The following SNX14 variants were observed in gnomAD, a reference collection of about 807,000 sequenced individuals.
SNX14 encodes sorting nexin-14.
SNX14 carries 93 observed loss-of-function variants against 133.8 expected under a neutral mutation model. The observed-to-expected ratio is 0.70, with a 90% CI of 0.59 to 0.83. SNX14 has a LOEUF of 0.83. Among genes scored for constraint, SNX14 ranks in the 40% least tolerant of loss-of-function variants. The pLI is 0.00. For missense variants in SNX14, 945 were observed against 1,094.9 expected, an observed-to-expected ratio of 0.86 and a Z score of 1.93; for synonymous variants, 368 against 365.6, an observed-to-expected ratio of 1.01 and a Z score of -0.07.
At chr6:85,515,049 GAGCTCGC>G (rs1430048444) in intron 23 of SNX14, among the ~76,000 whole-genome samples, 16 of 152,038 alleles carry the variant, frequency 1.1e-4, no homozygotes, top group Non-Finnish European at 8.8e-5. Flanking sequence ...CAGATCACCT[GAGCTCGC>G]AAGTTTGAAA....
intron 18 of SNX14, among the ~76,000 whole-genome samples, chr6:85,532,934 T>A (rs1780726383): frequency 6.6e-6 from 1 of 152,194 alleles, no homozygotes; most frequent in Non-Finnish European, 1.5e-5. Context: ...TCTCCCAGGC[T>A]GGAGTGCAGT....
At chr6:85,570,090 T>C (rs1446085903) in intron 4 of SNX14, among the ~76,000 whole-genome samples, 2 of 152,222 alleles carry the variant, frequency 1.3e-5, no homozygotes, top group Non-Finnish European at 2.9e-5. Context: ...TTAATTTTTT[T>C]CCATTATTGC....
chr6:85,529,705 C>G (rs961925033), intron 19 of SNX14, among the ~76,000 whole-genome samples: 1 of 152,126 alleles, frequency 6.6e-6, no homozygotes, highest in Non-Finnish European at 1.5e-5. Flanking sequence ...GGGACAGGAA[C>G]GTTCCTTACC....
chr6:85,590,137 GAAA>G (rs1802344327), intron 1 of SNX14, among the ~76,000 whole-genome samples: 2 of 152,178 alleles, frequency 1.3e-5, no homozygotes, highest in African/African-American at 2.4e-5. Context: ...AATTAATCCA[GAAA>G]GAATGATTCT....
At chr6:85,575,179 T>C (rs954170951) in intron 1 of SNX14, among the ~76,000 whole-genome samples, 6 of 152,184 alleles carry the variant, frequency 3.9e-5, no homozygotes, top group Non-Finnish European at 7.3e-5. Context: ...TGTGATATAA[T>C]GGGCAATGTG....
chr6:85,530,043 C>T (rs1779731116), intron 19 of SNX14, 149 bp downstream of exon 19: 2 of 503,756 alleles, frequency 4.0e-6, no homozygotes, highest in Admixed American at 4.2e-5. Flanking sequence ...ATAAACAGTA[C>T]ATTTCCGTTA....
chr6:85,561,637 A>T (rs1179004715), intron 6 of SNX14, among the ~76,000 whole-genome samples: 1 of 152,162 alleles, frequency 6.6e-6, no homozygotes, highest in Non-Finnish European at 1.5e-5. Flanking sequence ...GAAAAAGACA[A>T]ATATAAAGAA....
chr6:85,525,690 T>A (rs948148844), intron 21 of SNX14, among the ~76,000 whole-genome samples: 17 of 152,126 alleles, frequency 1.1e-4, no homozygotes, highest in Admixed American at 9.2e-4. Context: ...AGGAAGAGCA[T>A]GATATAACTT....
intron 4 of SNX14, among the ~76,000 whole-genome samples, chr6:85,571,553 G>T (rs1002441322): frequency 1.3e-5 from 2 of 152,146 alleles, no homozygotes; most frequent in South Asian, 4.1e-4. Flanking sequence ...GATACTTGGT[G>T]CTAGGAACAA....
chr6:85,516,795 G>A (rs777588646), intron 23 of SNX14, among the ~76,000 whole-genome samples: 3 of 151,880 alleles, frequency 2.0e-5, no homozygotes, highest in Admixed American at 6.6e-5. Flanking sequence ...CCACCACCAC[G>A]CTTGACTAAT....
intron 7 of SNX14, among the ~76,000 whole-genome samples, chr6:85,553,157 G>A (rs750086270): frequency 6.6e-6 from 1 of 152,182 alleles, no homozygotes; most frequent in Non-Finnish European, 1.5e-5. Flanking sequence ...GAAAATCCCA[G>A]TGTCAGTGCT....
intron 28 of SNX14, 87 bp downstream of exon 28, chr6:85,507,146 G>C: frequency 8.4e-7 from 1 of 1,186,150 alleles, no homozygotes; most frequent in Non-Finnish European, 1.2e-6. Context: ...CAGAGACAAG[G>C]GTTTTCTTAC....
chr6:85,568,204 G>C (rs1794502384), intron 4 of SNX14: 1 of 152,126 alleles, frequency 6.6e-6, no homozygotes, highest in African/African-American at 2.4e-5. Context: ...TCCTGACTCT[G>C]AAGCTTAACT....
intron 26 of SNX14, among the ~76,000 whole-genome samples, chr6:85,512,960 G>A (rs2127790026): frequency 6.6e-6 from 1 of 152,266 alleles, no homozygotes; most frequent in Middle Eastern, 3.4e-3. Context: ...CCAGAAACTG[G>A]AAGTCACCCT....
intron 26 of SNX14, chr6:85,508,270 G>T: frequency 8.8e-7 from 1 of 1,133,632 alleles, no homozygotes; most frequent in African/African-American, 1.6e-5. Context: ...TCCCATTTTT[G>T]GAGATTCACA....
At chr6:85,568,346 G>A (rs560678722) in intron 4 of SNX14, 19 of 152,182 alleles carry the variant, frequency 1.2e-4, no homozygotes, top group Non-Finnish European at 2.1e-4. Flanking sequence ...GTCAAAATTA[G>A]GTGTTAGTGG....
chr6:85,554,310 A>G (rs1788909665), intron 7 of SNX14, among the ~76,000 whole-genome samples: 1 of 151,680 alleles, frequency 6.6e-6, no homozygotes, highest in Non-Finnish European at 1.5e-5. Flanking sequence ...ACACATGTGT[A>G]TATATATACA....
At chr6:85,569,197 G>T (rs1326449300) in intron 4 of SNX14, among the ~76,000 whole-genome samples, 1 of 152,046 alleles carries the variant, frequency 6.6e-6, no homozygotes, top group African/African-American at 2.4e-5. Context: ...CCCGACCTTA[G>T]GTGATCCGCC....
intron 1 of SNX14, among the ~76,000 whole-genome samples, chr6:85,587,056 A>AAG (rs536562495): frequency 3.3e-5 from 5 of 151,974 alleles, no homozygotes; most frequent in African/African-American, 1.2e-4. Context: ...AAAAAAAAGA[A>AAG]AGAGAGAGAG....
Sources: gnomAD v4.1 joint callset for allele counts (sites outside exome capture counted in the v4.1 genomes callset) on GRCh38, gnomAD v4.1.1 for gene constraint, MANE v1.5 for transcripts, NCBI Gene and HGNC (gene_info 2026-07-23, HGNC 2026-07-21) for gene names.